ATP6V0A1: variants seen among roughly 807,000 people sequenced by gnomAD.
ATP6V0A1 encodes the protein ATPase H+ transporting V0 subunit a1.
ATP6V0A1 carries 43 observed loss-of-function variants against 105.4 expected under a neutral mutation model. The observed-to-expected ratio is 0.41, with a 90% CI of 0.32 to 0.53. ATP6V0A1 has a LOEUF of 0.53. ATP6V0A1 is among the 20% of genes least tolerant of loss of function. ATP6V0A1 has a pLI of 0.30. For synonymous variants in ATP6V0A1, 362 were observed against 372.8 expected (o/e 0.97, Z 0.33); for missense variants, 676 against 1,051.1 (o/e 0.64, Z 4.93).
chr17:42,485,303 G>A (rs1042329567), intron 9 of ATP6V0A1, among the ~76,000 whole-genome samples: 3 of 152,120 alleles, frequency 2.0e-5, no homozygotes, highest in Non-Finnish European at 4.4e-5. Flanking sequence ...AGTATATTCT[G>A]GGTTCTAAGG....
chr17:42,512,959 A>G (rs577850158), intron 19 of ATP6V0A1, among the ~76,000 whole-genome samples: 1 of 152,354 alleles, frequency 6.6e-6, no homozygotes, highest in South Asian at 2.1e-4. Context: ...AGAGAGGCCC[A>G]GGGAAAGTAC....
intron 17 of ATP6V0A1, among the ~76,000 whole-genome samples, chr17:42,505,983 T>G (rs1489123709): frequency 2.0e-5 from 3 of 152,134 alleles, no homozygotes; most frequent in Admixed American, 6.5e-5. Flanking sequence ...AGACGGGGTT[T>G]CGCCATGTTG....
intron 17 of ATP6V0A1, 22 bp from the exon 18 acceptor site, chr17:42,507,498 C>T: frequency 6.4e-7 from 1 of 1,562,820 alleles, no homozygotes; most frequent in Non-Finnish European, 8.8e-7. Flanking sequence ...GCAAATTCTA[C>T]TCTTTCTGTT....
chr17:42,517,275 G>A (rs970038052), intron 21 of ATP6V0A1, among the ~76,000 whole-genome samples: 4 of 151,874 alleles, frequency 2.6e-5, no homozygotes, highest in Non-Finnish European at 5.9e-5. Flanking sequence ...CCGAGACTCC[G>A]TCTCAAAACA....
chr17:42,473,650 T>C (rs2088303767), intron 5 of ATP6V0A1, among the ~76,000 whole-genome samples: 1 of 152,248 alleles, frequency 6.6e-6, no homozygotes, highest in Admixed American at 6.5e-5. Flanking sequence ...AGTTTACTGC[T>C]GAGATATTGC....
rs149747736 is a variant in ATP6V0A1 at position 42,504,783 on chromosome 17, A to G, written c.2005-2737A>G. On this transcript the variant is annotated intron_variant, in intron 17 of 21. Transcript: ENST00000343619. ...AGGTGCACTTGGCTAGAGAATGCAT[A>G]TAGTGCTAACTAAGAAGAAAACCAC... Among the ~76,000 whole-genome samples, 202 of 152,346 alleles carry G rather than the reference A, an allele frequency of 1.3e-3. 1 individual carries two copies. Among genetic ancestry groups the G allele is most frequent in the Middle Eastern group, 3.4e-3 (1 of 294 alleles).
intron 7 of ATP6V0A1, among the ~76,000 whole-genome samples, chr17:42,479,865 A>G (rs1000310782): frequency 1.3e-5 from 2 of 152,210 alleles, no homozygotes; most frequent in African/African-American, 4.8e-5. Context: ...AGGTTATTTT[A>G]TCAACAAATC....
At chr17:42,472,747 G>A (rs1567816145) in intron 5 of ATP6V0A1, among the ~76,000 whole-genome samples, 1 of 152,130 alleles carries the variant, frequency 6.6e-6, no homozygotes, top group Non-Finnish European at 1.5e-5. Flanking sequence ...GTTTTTAACT[G>A]CCTCATCTCA....
At chr17:42,494,999 G>A (rs762579209) in intron 12 of ATP6V0A1, 35 bp from the exon 13 acceptor site, 6 of 1,601,786 alleles carry the variant, frequency 3.7e-6, no homozygotes, top group South Asian at 1.1e-5. Flanking sequence ...GCTGCAGTGA[G>A]TACATTCTCA....
chr17:42,500,378 G>A (rs911473356), intron 15 of ATP6V0A1, among the ~76,000 whole-genome samples: 2 of 152,210 alleles, frequency 1.3e-5, no homozygotes, highest in African/African-American at 4.8e-5. Context: ...TACTCGAGAG[G>A]CTGAGGTAAG....
chr17:42,461,470 A>C (rs71377284), intron 2 of ATP6V0A1, among the ~76,000 whole-genome samples: 1 of 152,204 alleles, frequency 6.6e-6, no homozygotes, highest in East Asian at 1.9e-4. Context: ...TGGAGAAGCT[A>C]TCTAAAGAAT....
chr17:42,484,847 CT>C (rs2089941014), intron 9 of ATP6V0A1, among the ~76,000 whole-genome samples: 1 of 111,648 alleles, frequency 9.0e-6, no homozygotes, highest in Non-Finnish European at 1.7e-5. Flanking sequence ...TTTTTCTTTT[CT>C]TTTCTTTTTT....
chr17:42,465,916 A>G (rs866969606), intron 2 of ATP6V0A1, among the ~76,000 whole-genome samples: 1 of 152,092 alleles, frequency 6.6e-6, no homozygotes, highest in South Asian at 2.1e-4. Flanking sequence ...CAGTGAGCCA[A>G]GATCACGCCA....
intron 9 of ATP6V0A1, among the ~76,000 whole-genome samples, chr17:42,484,670 A>G (rs78520370): frequency 0.012 from 1,824 of 152,268 alleles, 14 homozygotes; most frequent in East Asian, 0.019. Flanking sequence ...AACTGTGTGT[A>G]CATGGAAGGA....
In ATP6V0A1 at chr17:42,490,468, A is replaced by G. The variant is rs2090519886; in HGVS notation, c.1024-19A>G. 6.3e-7 allele frequency: 1 copy of G among 1,587,138 alleles called. No individual in the cohort carries two copies. Among genetic ancestry groups the G allele is most frequent in the Non-Finnish European group, 8.5e-7 (1 of 1,169,828 alleles). On this transcript the variant is annotated intron_variant, in intron 10 of 21. Transcript: ENST00000343619. Reference sequence around the variant, plus strand: ...TAGGAGGATAACCTAAGTTTGATAAATGTGCTAATGTTTTTCAGGAACACA... The same window carrying G: ...TAGGAGGATAACCTAAGTTTGATAAGTGTGCTAATGTTTTTCAGGAACACA...
intron 21 of ATP6V0A1, among the ~76,000 whole-genome samples, chr17:42,515,763 G>A (rs2092597165): frequency 6.6e-6 from 1 of 152,182 alleles, no homozygotes; most frequent in Admixed American, 6.5e-5. Context: ...ACTCCAGCCT[G>A]GGCAACAAGA....
At position 42,482,477 on chromosome 17, in the gene ATP6V0A1, C is replaced by T. The variant is rs1357612903; in HGVS notation, c.717-561C>T. ...GCAGAATTTTTTCCATGCCATCTTA[C>T]TCCGTTAATTTACAATATAATTTGC... is the stretch of plus-strand genomic sequence containing the variant. On this transcript the variant is annotated intron_variant, in intron 8 of 21. Coordinates refer to ENST00000343619, the MANE Select transcript of ATP6V0A1 (RefSeq NM_001130021.3). Among the ~76,000 whole-genome samples, 3 of 152,018 alleles carry T rather than the reference C, an allele frequency of 2.0e-5. No individual in the cohort carries two copies. The East Asian group carries it at 5.8e-4, about 29-fold the overall frequency.
At chr17:42,495,758 A>C (rs747772504) in intron 14 of ATP6V0A1, 42 bp downstream of exon 14, 47 of 1,471,546 alleles carry the variant, frequency 3.2e-5, no homozygotes, top group Non-Finnish European at 2.9e-6. Context: ...CAAATTTTTT[A>C]ACACTAACCC....
chr17:42,516,477 C>G (rs576672611), intron 21 of ATP6V0A1, among the ~76,000 whole-genome samples: 1 of 152,196 alleles, frequency 6.6e-6, no homozygotes, highest in African/African-American at 2.4e-5. Context: ...AGCCGACCCC[C>G]GCAAGCACAC....
Sources: allele counts gnomAD v4.1 joint callset (sites outside exome capture counted in the v4.1 genomes callset), GRCh38; gene constraint gnomAD v4.1.1; transcripts MANE v1.5; gene names NCBI Gene and HGNC (gene_info 2026-07-23, HGNC 2026-07-21).